The following PKM variants were observed in gnomAD, a reference collection of about 807,000 sequenced individuals.
PKM encodes the protein pyruvate kinase M1/2, also known as pyruvate kinase PKM.
PKM carries 18 observed loss-of-function variants against 49.8 expected under a neutral mutation model. The observed-to-expected ratio is 0.36, with a 90% CI of 0.25 to 0.54. The LOEUF (loss-of-function observed/expected upper bound fraction) is 0.54, where lower values mean the gene tolerates loss of function less well. Ranked by LOEUF, PKM falls within the 20% of genes least tolerant of loss-of-function variation. The probability of loss-of-function intolerance (pLI) is 0.89; values close to 1 mark genes in which losing one functional copy is unlikely to be tolerated. For missense variants in PKM, 508 were observed against 713.8 expected (o/e 0.71, Z 3.28); for synonymous variants, 239 against 261.8 (o/e 0.91, Z 0.84).
chr15:72,214,423 G>A (rs543325911), intron 3 of PKM, among the ~76,000 whole-genome samples: 1 of 152,280 alleles, frequency 6.6e-6, no homozygotes, highest in Admixed American at 6.5e-5. Flanking sequence ...CTTCAGCTGT[G>A]GCTTTATTGG....
chr15:72,220,492 G>A (rs8192387), intron 1 of PKM, among the ~76,000 whole-genome samples: 2,038 of 152,236 alleles, frequency 0.013, 21 homozygotes, highest in East Asian at 0.028. Flanking sequence ...ACAGTCTGTT[G>A]GCTATGGAAA....
chr15:72,226,677 T>C (rs8192373), intron 1 of PKM, among the ~76,000 whole-genome samples: 1,699 of 152,348 alleles, frequency 0.011, 16 homozygotes, highest in Non-Finnish European at 0.016. Context: ...CAGTGTGAAA[T>C]GCTAGGACTG....
intron 5 of PKM, 186 bp downstream of exon 5, chr15:72,209,487 C>T: frequency 2.2e-6 from 1 of 456,412 alleles, no homozygotes; most frequent in Non-Finnish European, 4.0e-6. Flanking sequence ...TCTCCAGAAC[C>T]AGAAGAATGT....
chr15:72,207,294 G>A lies in PKM; in HGVS notation c.837-17C>T, dbSNP rs3825868. On this transcript the variant is annotated splice_polypyrimidine_tract_variant and intron_variant, in intron 6 of 10. Coordinates refer to ENST00000335181, the MANE Select transcript of PKM (RefSeq NM_002654.6). ...TCATCAAACCTGATGGACAAAGTTG[G>A]GGGGAGAGAGGTTATATAGAACAGA... 2.5e-6 allele frequency: 4 copies of A among 1,613,328 alleles called. No homozygotes were observed. The highest frequency in any genetic ancestry group is 2.5e-6 in the Non-Finnish European group (3 of 1,179,298).
At chr15:72,230,958 C>A (rs1049417403) in intron 1 of PKM, 158 bp downstream of exon 1, 1 of 1,286,658 alleles carries the variant, frequency 7.8e-7, no homozygotes, top group African/African-American at 1.5e-5. Flanking sequence ...GCGTGAGGAG[C>A]CGTTCTCCTC....
intron 8 of PKM, chr15:72,203,024 G>T: frequency 6.2e-7 from 1 of 1,614,038 alleles, no homozygotes. Flanking sequence ...GGCCCTACCT[G>T]CCAGACTCCG....
At chr15:72,204,936 A>C (rs2082033841) in intron 8 of PKM, among the ~76,000 whole-genome samples, 1 of 152,166 alleles carries the variant, frequency 6.6e-6, no homozygotes, top group Non-Finnish European at 1.5e-5. Context: ...TGACTGGTTC[A>C]AGGTGCACCG....
chr15:72,208,472 C>A, intron 6 of PKM, 149 bp downstream of exon 6: 1 of 837,498 alleles, frequency 1.2e-6, no homozygotes, highest in Non-Finnish European at 2.0e-6. Context: ...GCCTTCTACT[C>A]TCCTAAGATA....
intron 1 of PKM, among the ~76,000 whole-genome samples, chr15:72,229,168 G>C (rs1389715190): frequency 6.6e-6 from 1 of 152,204 alleles, no homozygotes; most frequent in Non-Finnish European, 1.5e-5. Context: ...AATGGATCAA[G>C]GCCCTTATGC....
intron 1 of PKM, among the ~76,000 whole-genome samples, chr15:72,226,286 G>A (rs1209643317): frequency 1.3e-5 from 2 of 152,150 alleles, no homozygotes; most frequent in South Asian, 2.1e-4. Flanking sequence ...CCAGCACTTT[G>A]GGAGGCCAAG....
At chr15:72,207,389 C>G in intron 6 of PKM, 112 bp from the exon 7 acceptor site, 1 of 957,460 alleles carries the variant, frequency 1.0e-6, no homozygotes, top group Non-Finnish European at 1.7e-6. Context: ...TGTACCAGGA[C>G]AGACATCCAT....
chr15:72,217,554 C>T (rs2082406689), intron 2 of PKM, 54 bp from the exon 3 acceptor site: 9 of 1,188,010 alleles, frequency 7.6e-6, no homozygotes, highest in Admixed American at 1.7e-5. Flanking sequence ...GAAGGAAAAA[C>T]ATTTAAGTTT....
intron 1 of PKM, among the ~76,000 whole-genome samples, chr15:72,223,095 T>C (rs1268610882): frequency 6.6e-6 from 1 of 150,974 alleles, no homozygotes; most frequent in Non-Finnish European, 1.5e-5. Flanking sequence ...TTATATTATA[T>C]TATAGCTCAC....
chr15:72,206,014 G>A (rs149643015), intron 8 of PKM, among the ~76,000 whole-genome samples: 128 of 152,054 alleles, frequency 8.4e-4, no homozygotes, highest in Middle Eastern at 3.4e-3. Context: ...GAGCCTCCAC[G>A]ACTCCTCCAG....
At chr15:72,205,853 T>G (rs1314098036) in intron 8 of PKM, among the ~76,000 whole-genome samples, 1 of 152,096 alleles carries the variant, frequency 6.6e-6, no homozygotes, top group Non-Finnish European at 1.5e-5. Context: ...CAAACCTATG[T>G]AACCCTGATC....
intron 8 of PKM, chr15:72,203,133 A>G (rs770128769): frequency 6.2e-7 from 1 of 1,613,904 alleles, no homozygotes; most frequent in Non-Finnish European, 8.5e-7. Flanking sequence ...TGAGGCTCGC[A>G]CAAGTTCTTC....
intron 1 of PKM, chr15:72,221,383 A>G: frequency 1.5e-6 from 1 of 648,018 alleles, no homozygotes; most frequent in East Asian, 2.7e-5. Context: ...CAGCTGCTCT[A>G]GAGATTCCAC....
intron 2 of PKM, among the ~76,000 whole-genome samples, chr15:72,218,403 G>A (rs940728687): frequency 2.0e-5 from 3 of 151,992 alleles, no homozygotes; most frequent in Non-Finnish European, 2.9e-5. Context: ...CTGGATTACA[G>A]GCATGTGCCA....
At position 72,200,722 on chromosome 15, in the gene PKM, G is replaced by T; in HGVS notation, c.1308-67C>A. On this transcript the variant is annotated intron_variant, in intron 9 of 10. Transcript: ENST00000335181. The surrounding 1 kb of genome is among the most constrained non-coding windows in gnomAD (Gnocchi z 4.6). ...AGGCCCCAGGAAGTACCCTCAGGGC[G>T]TTCAAACAGCTCACCCTCTCATCCA... The T allele has an allele frequency of 7.3e-7, 1 of 1,368,670 alleles. No individual in the cohort carries two copies. The highest frequency in any genetic ancestry group is 1.0e-6 in the Non-Finnish European group (1 of 977,388). 84.8% of individuals were successfully genotyped at this position (1,368,670 alleles called of 1,614,324 possible).
Sources: gnomAD v4.1 joint callset for allele counts (sites outside exome capture counted in the v4.1 genomes callset) on GRCh38, gnomAD v4.1.1 for gene constraint, Gnocchi (gnomAD v3.1) non-coding constraint, MANE v1.5 for transcripts, NCBI Gene and HGNC (gene_info 2026-07-23, HGNC 2026-07-21) for gene names.